LRRC40: variants seen among roughly 807,000 people sequenced by gnomAD.
The protein encoded by LRRC40 is leucine rich repeat containing 40, also known as leucine-rich repeat-containing protein 40.
A neutral mutation model predicts 72.8 loss-of-function variants in LRRC40; 76 were observed. The observed-to-expected ratio is 1.04, with a 90% CI of 0.87 to 1.26. The LOEUF (loss-of-function observed/expected upper bound fraction) is 1.26. Ranked by LOEUF, LRRC40 falls within the 50% of genes most tolerant of loss-of-function variation. The pLI is 0.00. For synonymous variants in LRRC40, 243 were observed against 254.2 expected (o/e 0.96, Z 0.42); for missense variants, 684 against 698.9 (o/e 0.98, Z 0.24).
At chr1:70,183,154 G>A (rs1668282385) in intron 4 of LRRC40, among the ~76,000 whole-genome samples, 3 of 152,064 alleles carry the variant, frequency 2.0e-5, no homozygotes, top group Non-Finnish European at 4.4e-5. Context: ...TTAAACTCTA[G>A]AACAAATGAG....
intron 9 of LRRC40, among the ~76,000 whole-genome samples, chr1:70,164,431 G>A (rs1254062532): frequency 6.6e-6 from 1 of 152,084 alleles, no homozygotes; most frequent in Non-Finnish European, 1.5e-5. Context: ...CTATTCATGA[G>A]AGTGGAGCCC....
intron 1 of LRRC40, among the ~76,000 whole-genome samples, chr1:70,191,835 G>A (rs1179080289): frequency 6.6e-6 from 1 of 152,014 alleles, no homozygotes; most frequent in African/African-American, 2.4e-5. Context: ...CTATGGAGTT[G>A]GATATTATAA....
intron 10 of LRRC40, among the ~76,000 whole-genome samples, chr1:70,156,461 CTATT>C (rs926817707): frequency 2.2e-4 from 33 of 152,114 alleles, no homozygotes; most frequent in African/African-American, 7.9e-4. Context: ...ATCTGAAGGA[CTATT>C]TATTGTTATT....
chr1:70,180,963 T>C (rs2100307340), intron 5 of LRRC40, 123 bp downstream of exon 5: 1 of 654,108 alleles, frequency 1.5e-6, no homozygotes, highest in Non-Finnish European at 2.4e-6. Context: ...GTTGCTATTG[T>C]TTGCATTTAC....
intron 9 of LRRC40, among the ~76,000 whole-genome samples, chr1:70,161,771 TA>T (rs1441591792): frequency 6.6e-6 from 1 of 151,992 alleles, no homozygotes; most frequent in Non-Finnish European, 1.5e-5. Flanking sequence ...GAAATAAGAG[TA>T]AAAAACTAGA....
Position 70,181,140 on chromosome 1 carries a change from T to G in LRRC40, c.607A>C (p.Asn203His). ...CTCTTCAGTTCATTACTAGAAAGAT[T>G]GAGTCGCACCAGACTGGACAGAGAA... The part of the protein sequence containing the change: ...FSSLSSLVRL[N>H]LSSNELKSLP... Residue 203 changes from asparagine (N) to histidine (H), a missense_variant, in exon 5 of 15, where the codon AAT becomes CAT. Physicochemically the swap from Asn to His is moderately conservative, Grantham distance 68. Transcript: ENST00000370952. The G allele has an allele frequency of 6.2e-7, 1 of 1,600,710 alleles. No individual in the cohort carries two copies. Among genetic ancestry groups the G allele is most frequent in the South Asian group, 1.1e-5 (1 of 89,230 alleles).
Position 70,181,072 on chromosome 1 carries a change from C to G in LRRC40, c.661+14G>C, listed in dbSNP as rs1391296225. ...CTTCAAATTTATGTATTATGTAAAA[C>G]AGAAAATATTTACTTTTCATTCTAT... On this transcript the variant is annotated intron_variant, in intron 5 of 14. Transcript: ENST00000370952. 2 of 1,466,438 alleles carry G rather than the reference C, an allele frequency of 1.4e-6. No homozygotes were observed. Among genetic ancestry groups the G allele is most frequent in the African/African-American group, 2.9e-5 (2 of 69,666 alleles). 90.8% of individuals were successfully genotyped at this position (1,466,438 alleles called of 1,614,324 possible). A position where few individuals can be genotyped will look rare whatever the true frequency, so the allele number is the denominator to read the frequency against.
At chr1:70,168,831 A>G (rs1240429040) in intron 9 of LRRC40, among the ~76,000 whole-genome samples, 5 of 152,188 alleles carry the variant, frequency 3.3e-5, no homozygotes, top group Admixed American at 2.0e-4. Context: ...TGGGCCAAAG[A>G]AGGTATCAAA....
chr1:70,164,951 T>C (rs2100265799), intron 9 of LRRC40, among the ~76,000 whole-genome samples: 1 of 152,334 alleles, frequency 6.6e-6, no homozygotes, highest in South Asian at 2.1e-4. Context: ...TAAGAAGGTT[T>C]AATACTATTT....
chr1:70,190,315 T>G (rs531897491), intron 1 of LRRC40, among the ~76,000 whole-genome samples: 52 of 152,120 alleles, frequency 3.4e-4, no homozygotes, highest in Non-Finnish European at 6.2e-4. Flanking sequence ...CAGTTTTGGA[T>G]GATTAATCAG....
intron 3 of LRRC40, among the ~76,000 whole-genome samples, 161 bp downstream of exon 3, chr1:70,187,104 C>G (rs542588595): frequency 1.3e-5 from 2 of 151,308 alleles, no homozygotes; most frequent in Non-Finnish European, 3.0e-5. Context: ...AAAAAACATA[C>G]AAACTAAGAA....
intron 3 of LRRC40, among the ~76,000 whole-genome samples, chr1:70,187,018 T>A (rs990847738): frequency 3.3e-5 from 5 of 150,556 alleles, no homozygotes; most frequent in African/African-American, 9.8e-5. Context: ...AAAAAAAAAA[T>A]TTAAGCATTT....
chr1:70,194,279 CTA>C lies in LRRC40; in HGVS notation c.152-5008_152-5007del, dbSNP rs551877285. On this transcript the variant is annotated intron_variant, in intron 1 of 14. Transcript: ENST00000370952. ...TTCAAGCTCAATATAGAAAAATCAA[CTA>C]TGTTTCTATGTATTAGCAATCAAAT... Among the ~76,000 whole-genome samples the C allele has an allele frequency of 5.2e-4, 79 of 152,068 alleles. 1 individual carries two copies. Among genetic ancestry groups the C allele is most frequent in the African/African-American group, 1.7e-3 (72 of 41,532 alleles).
At chr1:70,165,806 G>A (rs1323437837) in intron 9 of LRRC40, among the ~76,000 whole-genome samples, 1 of 152,064 alleles carries the variant, frequency 6.6e-6, no homozygotes, top group Non-Finnish European at 1.5e-5. Context: ...CCAAAATCCA[G>A]ATTTAATTGG....
At chr1:70,155,835 G>T in intron 10 of LRRC40, 39 bp from the exon 11 acceptor site, 1 of 930,706 alleles carries the variant, frequency 1.1e-6, no homozygotes, top group Non-Finnish European at 1.6e-6. Context: ...ACCATTCTTA[G>T]CAGTCCAAAA....
Position 70,205,578 on chromosome 1 carries a change from G to T in LRRC40, c.-38C>A, listed in dbSNP as rs776971824. 1 of 1,556,630 alleles carries T rather than the reference G, an allele frequency of 6.4e-7. No homozygotes were observed. Among genetic ancestry groups the T allele is most frequent in the East Asian group, 2.3e-5 (1 of 43,732 alleles). ...AGGTCCAGAAGCTGCAGCCCCACCCGTGACGCTTAAAGGTGGCGCCGTTGG... is the reference window on the plus strand; with the variant it reads ...AGGTCCAGAAGCTGCAGCCCCACCCTTGACGCTTAAAGGTGGCGCCGTTGG... On this transcript the variant is annotated 5_prime_UTR_variant, in exon 1 of 15. Coordinates refer to ENST00000370952, the MANE Select transcript of LRRC40 (RefSeq NM_017768.5).
intron 9 of LRRC40, among the ~76,000 whole-genome samples, chr1:70,161,364 G>T (rs571344408): frequency 6.6e-6 from 1 of 152,052 alleles, no homozygotes; most frequent in African/African-American, 2.4e-5. Context: ...GATTACAGGC[G>T]TGAGCCACCA....
At chr1:70,161,796 T>C (rs1186196311) in intron 9 of LRRC40, among the ~76,000 whole-genome samples, 4 of 152,182 alleles carry the variant, frequency 2.6e-5, no homozygotes, top group African/African-American at 9.7e-5. Context: ...CATTTGGTTA[T>C]TTATTTGTTC....
intron 1 of LRRC40, among the ~76,000 whole-genome samples, chr1:70,191,528 T>C (rs1321445484): frequency 6.6e-6 from 1 of 152,166 alleles, no homozygotes; most frequent in Non-Finnish European, 1.5e-5. Context: ...GGCAGATACA[T>C]GTTGATACTG....
Sources: allele counts gnomAD v4.1 joint callset (sites outside exome capture counted in the v4.1 genomes callset), GRCh38; gene constraint gnomAD v4.1.1; transcripts MANE v1.5; gene names NCBI Gene and HGNC (gene_info 2026-07-23, HGNC 2026-07-21).